The following BBOX1 variants were observed in gnomAD, a reference collection of about 807,000 sequenced individuals.
BBOX1 encodes gamma-butyrobetaine hydroxylase 1, also known as gamma-butyrobetaine dioxygenase.
A neutral mutation model predicts 41.6 loss-of-function variants in BBOX1; 35 were observed. That is an observed-to-expected ratio of 0.84 (90% CI 0.64 to 1.11). The LOEUF is 1.11. BBOX1 is among the 50% of genes most tolerant of loss of function. The probability of loss-of-function intolerance (pLI) is 0.00; values close to 1 mark genes in which losing one functional copy is unlikely to be tolerated. For missense variants in BBOX1, 458 were observed against 460.6 expected (o/e 0.99, Z 0.05); for synonymous variants, 163 against 154.7 (o/e 1.05, Z -0.40).
At chr11:27,073,710 C>T (rs1339781624) in intron 4 of BBOX1, among the ~76,000 whole-genome samples, 1 of 152,120 alleles carries the variant, frequency 6.6e-6, no homozygotes, top group African/African-American at 2.4e-5. Flanking sequence ...GGCACATATA[C>T]ACCATGGAAT....
At chr11:27,062,241 G>C (rs1228921043) in intron 4 of BBOX1, among the ~76,000 whole-genome samples, 2 of 152,172 alleles carry the variant, frequency 1.3e-5, no homozygotes, top group Non-Finnish European at 2.9e-5. Flanking sequence ...TATTGGTGAA[G>C]TTAAAATTGT....
intron 4 of BBOX1, among the ~76,000 whole-genome samples, chr11:27,069,374 T>C (rs1857377232): frequency 8.1e-6 from 1 of 123,518 alleles, no homozygotes; most frequent in Non-Finnish European, 1.7e-5. Context: ...ATTTTCAGTT[T>C]GGTTATTGTT....
At chr11:27,107,667 A>C (rs1858919308) in intron 5 of BBOX1, among the ~76,000 whole-genome samples, 1 of 152,030 alleles carries the variant, frequency 6.6e-6, no homozygotes, top group African/African-American at 2.4e-5. Flanking sequence ...TCATCTCACC[A>C]AGGCCTCACC....
At chr11:27,072,516 A>G (rs1857487993) in intron 4 of BBOX1, among the ~76,000 whole-genome samples, 1 of 152,206 alleles carries the variant, frequency 6.6e-6, no homozygotes, top group South Asian at 2.1e-4. Flanking sequence ...TTATAGATTC[A>G]ATGCCATCCC....
At chr11:27,085,425 A>T (rs12291195) in intron 4 of BBOX1, among the ~76,000 whole-genome samples, 1 of 152,076 alleles carries the variant, frequency 6.6e-6, no homozygotes, top group African/African-American at 2.4e-5. Flanking sequence ...TGTTATAGTG[A>T]TCTGTGATCA....
chr11:27,075,529 C>G (rs1357812022), intron 4 of BBOX1, among the ~76,000 whole-genome samples: 1 of 152,070 alleles, frequency 6.6e-6, no homozygotes, highest in Non-Finnish European at 1.5e-5. Context: ...CAGTGAAATG[C>G]ACTGAGATCT....
chr11:27,045,087 G>C (rs773827202), intron 2 of BBOX1, among the ~76,000 whole-genome samples: 3 of 152,084 alleles, frequency 2.0e-5, no homozygotes, highest in Non-Finnish European at 4.4e-5. Flanking sequence ...CATTGTTTGT[G>C]TCCTCTCTTA....
At chr11:27,096,106 G>C (rs1858429154) in intron 5 of BBOX1, among the ~76,000 whole-genome samples, 1 of 151,964 alleles carries the variant, frequency 6.6e-6, no homozygotes, top group Non-Finnish European at 1.5e-5. Context: ...TGAAAGGAAA[G>C]GGGACTTCAA....
chr11:27,111,880 A>G (rs772545590), intron 5 of BBOX1, among the ~76,000 whole-genome samples: 1 of 151,954 alleles, frequency 6.6e-6, no homozygotes, highest in African/African-American at 2.4e-5. Flanking sequence ...CTTTTTAAAA[A>G]GAGTATCAGT....
intron 5 of BBOX1, 22 bp from the exon 6 acceptor site, chr11:27,115,430 A>T: frequency 6.3e-7 from 1 of 1,590,538 alleles, no homozygotes; most frequent in Non-Finnish European, 8.6e-7. Flanking sequence ...CTGTTTAAAC[A>T]TGTGTTTCTT....
chr11:27,061,107 A>C (rs1857120661), intron 4 of BBOX1, among the ~76,000 whole-genome samples: 1 of 151,942 alleles, frequency 6.6e-6, no homozygotes, highest in South Asian at 2.1e-4. Flanking sequence ...CATTTCCTTC[A>C]AGTTCTCCTT....
intron 8 of BBOX1, 83 bp downstream of exon 8, chr11:27,125,903 T>C: frequency 1.4e-6 from 2 of 1,432,352 alleles, no homozygotes; most frequent in Admixed American, 2.2e-5. Context: ...CAGAGCAGTT[T>C]TTCTCAGGTA....
chr11:27,068,527 T>C (rs1322478984), intron 4 of BBOX1, among the ~76,000 whole-genome samples: 1 of 152,170 alleles, frequency 6.6e-6, no homozygotes, highest in Non-Finnish European at 1.5e-5. Flanking sequence ...GGTTGTTTAC[T>C]CTGGTAATTT....
intron 4 of BBOX1, among the ~76,000 whole-genome samples, chr11:27,086,730 T>G (rs1438007622): frequency 6.6e-6 from 1 of 152,174 alleles, no homozygotes; most frequent in Non-Finnish European, 1.5e-5. Context: ...CTGCCACAGA[T>G]AGTGTTTCCT....
At chr11:27,124,496 A>G (rs1235885503) in intron 7 of BBOX1, among the ~76,000 whole-genome samples, 2 of 152,132 alleles carry the variant, frequency 1.3e-5, no homozygotes, top group East Asian at 1.9e-4. Context: ...AATCTAAGAA[A>G]TAATGTGCTT....
chr11:27,115,613 G>A (rs567011730), intron 6 of BBOX1, 56 bp downstream of exon 6: 120 of 1,448,764 alleles, frequency 8.3e-5, no homozygotes, highest in Middle Eastern at 3.5e-4. Context: ...GTATCTTTTC[G>A]TATTTTGAGT....
At chr11:27,078,131 C>T (rs763549809) in intron 4 of BBOX1, among the ~76,000 whole-genome samples, 3 of 152,028 alleles carry the variant, frequency 2.0e-5, no homozygotes, top group Non-Finnish European at 4.4e-5. Flanking sequence ...TTTACCTAGC[C>T]ATTCTACAAG....
intron 5 of BBOX1, among the ~76,000 whole-genome samples, chr11:27,096,113 T>C (rs566030688): frequency 2.0e-5 from 3 of 152,102 alleles, no homozygotes; most frequent in African/African-American, 7.2e-5. Flanking sequence ...AAAGGGGACT[T>C]CAATAGAAGT....
chr11:27,055,777 A>G (rs1856961694), intron 3 of BBOX1, 128 bp downstream of exon 3: 1 of 759,738 alleles, frequency 1.3e-6, no homozygotes, highest in Non-Finnish European at 2.1e-6. Flanking sequence ...ACGTTTGTAT[A>G]GTACTTGGTG....
Sources: allele counts gnomAD v4.1 joint callset (sites outside exome capture counted in the v4.1 genomes callset), GRCh38; gene constraint gnomAD v4.1.1; transcripts MANE v1.5; gene names NCBI Gene and HGNC (gene_info 2026-07-23, HGNC 2026-07-21).